Variants in GPC6 observed in about 807,000 individuals in gnomAD.
GPC6 encodes glypican 6, also known as glypican-6.
Under a neutral mutation model 55.2 loss-of-function variants are expected in GPC6, and 14 were observed. The observed-to-expected ratio is 0.25, with a 90% CI of 0.17 to 0.40. GPC6 has a LOEUF of 0.40. Among genes scored for constraint, GPC6 ranks in the 10% least tolerant of loss-of-function variants. GPC6 has a pLI of 1.00. For synonymous variants in GPC6, 278 were observed against 259.6 expected, an observed-to-expected ratio of 1.07 and a Z score of -0.68; for missense variants, 641 against 708.5, an observed-to-expected ratio of 0.90 and a Z score of 1.08.
chr13:93,256,519 G>T (rs1315203315), intron 1 of GPC6, among the ~76,000 whole-genome samples: 2 of 152,072 alleles, frequency 1.3e-5, no homozygotes, highest in Non-Finnish European at 2.9e-5. Flanking sequence ...TGAAAGGCAG[G>T]ATCAGGTCTC....
intron 1 of GPC6, among the ~76,000 whole-genome samples, chr13:93,446,938 A>AT (rs1878027286): frequency 6.6e-6 from 1 of 152,032 alleles, no homozygotes; most frequent in Non-Finnish European, 1.5e-5. Context: ...ATTAGCAGAA[A>AT]TATAAAGTAT....
At chr13:93,769,864 T>C (rs1885236020) in intron 2 of GPC6, among the ~76,000 whole-genome samples, 1 of 152,190 alleles carries the variant, frequency 6.6e-6, no homozygotes, top group Admixed American at 6.5e-5. Context: ...ACCTGGAAAA[T>C]TGTTAAAGCA....
chr13:93,885,715 C>T (rs2140313359), intron 3 of GPC6, among the ~76,000 whole-genome samples: 1 of 152,210 alleles, frequency 6.6e-6, no homozygotes, highest in African/African-American at 2.4e-5. Context: ...GGTTTACATG[C>T]CAATTTAGCC....
chr13:93,629,036 G>GA (rs5805815), intron 2 of GPC6, among the ~76,000 whole-genome samples: 16,997 of 137,158 alleles, frequency 0.12, 1,020 homozygotes, highest in East Asian at 0.17. Flanking sequence ...CTTCTAGCCA[G>GA]AAAAAAAAAA....
At position 93,847,680 on chromosome 13, in the gene GPC6, T is replaced by G. The variant is rs141056731; in HGVS notation, c.711+17135T>G. On this transcript the variant is annotated intron_variant, in intron 3 of 8. Coordinates refer to ENST00000377047, the MANE Select transcript of GPC6 (RefSeq NM_005708.5). ...AAATGCTTATCTCCATGAGGAAGGATCTTCTCATTAGGTGGGTCATATTTA... is the reference window on the plus strand; with the variant it reads ...AAATGCTTATCTCCATGAGGAAGGAGCTTCTCATTAGGTGGGTCATATTTA... 9.4e-3 allele frequency among the ~76,000 whole-genome samples: 1,429 copies of G among 152,292 alleles called. 29 individuals are homozygous for G. The highest frequency in any genetic ancestry group is 0.033 in the African/African-American group (1,362 of 41,566).
intron 1 of GPC6, among the ~76,000 whole-genome samples, chr13:93,326,378 T>C (rs528097099): frequency 6.6e-6 from 1 of 152,274 alleles, no homozygotes; most frequent in East Asian, 1.9e-4. Context: ...CCATGGGTCA[T>C]ACTTTAAGCA....
At chr13:93,593,658 T>G (rs936564391) in intron 2 of GPC6, among the ~76,000 whole-genome samples, 1 of 152,170 alleles carries the variant, frequency 6.6e-6, no homozygotes, top group Non-Finnish European at 1.5e-5. Context: ...AAATATCCAA[T>G]TATTCATTGT....
chr13:94,386,984 A>G (rs1323500529), intron 7 of GPC6, among the ~76,000 whole-genome samples: 1 of 152,224 alleles, frequency 6.6e-6, no homozygotes, highest in Non-Finnish European at 1.5e-5. Context: ...TGACTCTTAC[A>G]GTAGATATGT....
chr13:93,835,328 A>C (rs1294176487), intron 3 of GPC6, among the ~76,000 whole-genome samples: 1 of 152,074 alleles, frequency 6.6e-6, no homozygotes, highest in Admixed American at 6.6e-5. Context: ...GGTGGCATGC[A>C]CCTGTAGTTC....
chr13:93,705,078 A>C (rs1322135545), intron 2 of GPC6, among the ~76,000 whole-genome samples: 1 of 151,936 alleles, frequency 6.6e-6, no homozygotes, highest in Non-Finnish European at 1.5e-5. Flanking sequence ...ATTCATGGCA[A>C]CAGAAAAACA....
intron 2 of GPC6, among the ~76,000 whole-genome samples, chr13:93,714,566 A>G (rs1594394241): frequency 6.6e-6 from 1 of 152,028 alleles, no homozygotes; most frequent in Non-Finnish European, 1.5e-5. Context: ...CATTTGACCC[A>G]GTGTTCCCAT....
intron 3 of GPC6, among the ~76,000 whole-genome samples, chr13:93,899,034 T>C (rs1482837128): frequency 6.6e-6 from 1 of 150,828 alleles, no homozygotes; most frequent in Non-Finnish European, 1.5e-5. Context: ...ACCCATCTTC[T>C]AGTTTATCAA....
chr13:94,328,807 G>A (rs1204368973), intron 6 of GPC6, among the ~76,000 whole-genome samples: 1 of 152,220 alleles, frequency 6.6e-6, no homozygotes, highest in African/African-American at 2.4e-5. Flanking sequence ...GATGCTGGCT[G>A]GGGAGCCCCT....
At chr13:94,199,941 G>A (rs1351299139) in intron 4 of GPC6, among the ~76,000 whole-genome samples, 6 of 152,136 alleles carry the variant, frequency 3.9e-5, no homozygotes, top group Non-Finnish European at 5.9e-5. Context: ...TGGCTCACCT[G>A]AGGTCAGGAG....
At chr13:93,813,322 G>C (rs1221355046) in intron 2 of GPC6, among the ~76,000 whole-genome samples, 1 of 152,124 alleles carries the variant, frequency 6.6e-6, no homozygotes, top group Non-Finnish European at 1.5e-5. Context: ...AGGAGCCTGA[G>C]GCAGGAGAAT....
intron 1 of GPC6, among the ~76,000 whole-genome samples, chr13:93,302,295 A>G (rs759441779): frequency 2.0e-5 from 3 of 152,172 alleles, no homozygotes; most frequent in African/African-American, 7.2e-5. Context: ...TTTAATTTGC[A>G]CTGGTAAATG....
rs567048383 is a variant in GPC6 at position 93,939,704 on chromosome 13, T to C, written c.712-88025T>C. ...AGCTCAAAGAATCCTACGATTTCAG[T>C]CTCCCAAAGTGCTAGGATTACAGGC... On this transcript the variant is annotated intron_variant, in intron 3 of 8. Coordinates refer to ENST00000377047, the MANE Select transcript of GPC6 (RefSeq NM_005708.5). Among the ~76,000 whole-genome samples the C allele has an allele frequency of 2.0e-4, 31 of 152,060 alleles. 1 individual carries two copies. The South Asian group carries it at 6.4e-3, about 32-fold the overall frequency.
At chr13:93,287,488 A>T (rs376638611) in intron 1 of GPC6, among the ~76,000 whole-genome samples, 1 of 152,214 alleles carries the variant, frequency 6.6e-6, no homozygotes, top group African/African-American at 2.4e-5. Flanking sequence ...TACTCTTGGA[A>T]ATGCCAGTGT....
intron 2 of GPC6, among the ~76,000 whole-genome samples, chr13:93,645,503 T>C (rs1566466052): frequency 6.6e-6 from 1 of 152,152 alleles, no homozygotes; most frequent in Non-Finnish European, 1.5e-5. Context: ...TTTTGTCTTT[T>C]TTAATAGCCT....
Sources: allele counts gnomAD v4.1 joint callset (sites outside exome capture counted in the v4.1 genomes callset), GRCh38; gene constraint gnomAD v4.1.1; transcripts MANE v1.5; gene names NCBI Gene and HGNC (gene_info 2026-07-23, HGNC 2026-07-21).